WDSUB1: variants seen among roughly 807,000 people sequenced by gnomAD.
WDSUB1 encodes the protein WD repeat, SAM and U-box domain-containing protein 1.
Under a neutral mutation model 53.9 loss-of-function variants are expected in WDSUB1, and 49 were observed. The ratio of observed to expected loss-of-function variants is 0.91; its 90% CI spans 0.72 to 1.15. The LOEUF (loss-of-function observed/expected upper bound fraction) is 1.15. Among genes scored for constraint, WDSUB1 ranks in the 50% most tolerant of loss-of-function variants. The pLI is 0.00. For synonymous variants in WDSUB1, 194 were observed against 200.6 expected (o/e 0.97, Z 0.28); for missense variants, 514 against 562.0 (o/e 0.91, Z 0.86).
At chr2:159,246,003 C>CAACACAGTAAG (rs1181389433) in intron 10 of WDSUB1, among the ~76,000 whole-genome samples, 4 of 152,040 alleles carry the variant, frequency 2.6e-5, no homozygotes, top group African/African-American at 9.7e-5. Context: ...AAAGAACTCA[C>CAACACAGTAAG]AACACAGTAA....
At chr2:159,280,880 C>T (rs1226450936) in intron 2 of WDSUB1, among the ~76,000 whole-genome samples, 1 of 151,886 alleles carries the variant, frequency 6.6e-6, no homozygotes, top group African/African-American at 2.4e-5. Context: ...ACACACTGTC[C>T]CATCCAGCAG....
Position 159,236,019 on chromosome 2 carries a change from C to T in WDSUB1, c.*14G>A. The T allele has an allele frequency of 2.5e-6, 4 of 1,582,106 alleles. No homozygotes were observed. Among genetic ancestry groups the T allele is most frequent in the Non-Finnish European group, 3.4e-6 (4 of 1,168,116 alleles). On this transcript the variant is annotated 3_prime_UTR_variant, in exon 11 of 11. Transcript: ENST00000359774. ...GAGATCACTGAAAATATAAATAATA[C>T]AATATCAACAATTTTACTTTTGGTG...
intron 10 of WDSUB1, among the ~76,000 whole-genome samples, chr2:159,240,402 T>TAA (rs1415293051): frequency 6.6e-6 from 1 of 152,220 alleles, no homozygotes; most frequent in East Asian, 1.9e-4. Flanking sequence ...GGAATTGTAA[T>TAA]AACTTTCTGA....
intron 10 of WDSUB1, among the ~76,000 whole-genome samples, chr2:159,246,600 TA>T (rs1459739707): frequency 6.6e-6 from 1 of 152,288 alleles, no homozygotes; most frequent in African/African-American, 2.4e-5. Flanking sequence ...GTAGTCCCTT[TA>T]AACATTCGCT....
Position 159,279,863 on chromosome 2 carries a change from C to T in WDSUB1, c.481G>A (p.Gly161Ser). ...GSFFVTGSSCGDLTVWDDKMR... is the reference protein window; with the variant it reads ...GSFFVTGSSCSDLTVWDDKMR... ...TTATCATCCCACACTGTTAAATCACCACATGAGGAGCCAGTGACAAAGAAG... is the reference window on the plus strand; with the variant it reads ...TTATCATCCCACACTGTTAAATCACTACATGAGGAGCCAGTGACAAAGAAG... The change falls in exon 3 of 11, where the codon GGT becomes AGT. Residue 161 changes from glycine to serine, a missense_variant. By Grantham distance (56) the Gly-to-Ser change is moderately conservative. Coordinates refer to ENST00000359774, the MANE Select transcript of WDSUB1 (RefSeq NM_001128212.3). 6.2e-7 allele frequency: 1 copy of T among 1,612,576 alleles called. No individual in the cohort carries two copies. Among genetic ancestry groups the T allele is most frequent in the Non-Finnish European group, 8.5e-7 (1 of 1,178,910 alleles).
At chr2:159,238,007 T>C (rs1220424216) in intron 10 of WDSUB1, among the ~76,000 whole-genome samples, 1 of 152,234 alleles carries the variant, frequency 6.6e-6, no homozygotes, top group Admixed American at 6.5e-5. Context: ...TTTATGAGAA[T>C]GCCTTTTTCC....
intron 9 of WDSUB1, among the ~76,000 whole-genome samples, chr2:159,249,808 G>A (rs187013271): frequency 7.9e-5 from 12 of 151,676 alleles, no homozygotes; most frequent in Admixed American, 7.2e-4. Context: ...GCTCATGCCT[G>A]TAACCCCAGC....
chr2:159,244,372 C>CAACT (rs1427956073), intron 10 of WDSUB1, among the ~76,000 whole-genome samples: 8 of 144,340 alleles, frequency 5.5e-5, no homozygotes, highest in African/African-American at 1.7e-4. Flanking sequence ...TCCACTGATT[C>CAACT]AACTAACTGC....
intron 5 of WDSUB1, among the ~76,000 whole-genome samples, chr2:159,269,063 T>C (rs1285897280): frequency 6.6e-6 from 1 of 152,006 alleles, no homozygotes; most frequent in Non-Finnish European, 1.5e-5. Flanking sequence ...GTGCCTTTAA[T>C]TGGAATCCCA....
chr2:159,239,195 G>A (rs1010536945), intron 10 of WDSUB1, among the ~76,000 whole-genome samples: 1 of 151,422 alleles, frequency 6.6e-6, no homozygotes, highest in Non-Finnish European at 1.5e-5. Flanking sequence ...GTAGAGAAGG[G>A]GGTCTCATTA....
intron 4 of WDSUB1, among the ~76,000 whole-genome samples, chr2:159,273,137 G>C (rs1279792790): frequency 1.3e-5 from 2 of 152,092 alleles, no homozygotes; most frequent in African/African-American, 2.4e-5. Context: ...ATTTTTATCT[G>C]GGAGAGCAGA....
intron 5 of WDSUB1, among the ~76,000 whole-genome samples, chr2:159,261,325 A>G (rs967711060): frequency 6.6e-6 from 1 of 152,210 alleles, no homozygotes; most frequent in Admixed American, 6.5e-5. Flanking sequence ...GAGCATCCAC[A>G]GGTTTTGGTA....
At chr2:159,286,250 C>CA (rs1489279283) in intron 1 of WDSUB1, 1 of 153,476 alleles carries the variant, frequency 6.5e-6, no homozygotes, top group African/African-American at 2.4e-5. Flanking sequence ...CCGCCACTTA[C>CA]ACCCCCCATG....
chr2:159,247,914 T>TATATATATATAAATATATATATATAAAA (rs1559532105), intron 10 of WDSUB1, among the ~76,000 whole-genome samples: 1 of 65,808 alleles, frequency 1.5e-5, no homozygotes, highest in Non-Finnish European at 2.8e-5. Flanking sequence ...TATATAAATA[T>TATATATATATAAATATATATATATAAAA]ATATATATAT....
At chr2:159,273,001 A>T (rs1056691258) in intron 4 of WDSUB1, among the ~76,000 whole-genome samples, 2 of 152,210 alleles carry the variant, frequency 1.3e-5, no homozygotes, top group Non-Finnish European at 2.9e-5. Flanking sequence ...TTATAACTAC[A>T]TCAGACACAA....
chr2:159,265,102 A>ACAAC (rs1553457378), intron 5 of WDSUB1, among the ~76,000 whole-genome samples: 42 of 146,512 alleles, frequency 2.9e-4, no homozygotes, highest in African/African-American at 1.0e-3. Flanking sequence ...AAAAAAAATA[A>ACAAC]AACAACAACA....
intron 6 of WDSUB1, among the ~76,000 whole-genome samples, chr2:159,259,217 G>T (rs938392379): frequency 6.6e-6 from 1 of 152,092 alleles, no homozygotes; most frequent in Non-Finnish European, 1.5e-5. Flanking sequence ...TAGAGATGAG[G>T]TTTCACCATG....
intron 5 of WDSUB1, among the ~76,000 whole-genome samples, chr2:159,261,164 C>CA (rs763830762): frequency 6.6e-5 from 10 of 151,852 alleles, no homozygotes; most frequent in Non-Finnish European, 1.3e-4. Context: ...AAAAAAATAA[C>CA]AAAAAATAAT....
chr2:159,256,267 T>C lies in WDSUB1; in HGVS notation c.1061A>G (p.Lys354Arg). Reference protein sequence around the residue: ...QDLKDLVGIFKMNNIDGKELL... With the variant: ...QDLKDLVGIFRMNNIDGKELL... ...TTCTTTTCCATCAATGTTATTCATC[T>C]TGAAAATACCAACAAGATCTTTTAA... Residue 354 changes from lysine to arginine, a missense_variant, in exon 9 of 11, where the codon AAG becomes AGG. By Grantham distance (26) the Lys-to-Arg change is conservative. Coordinates refer to ENST00000359774, the MANE Select transcript of WDSUB1 (RefSeq NM_001128212.3). The C allele has an allele frequency of 1.9e-6, 3 of 1,612,064 alleles. No homozygotes were observed. Among genetic ancestry groups the C allele is most frequent in the Non-Finnish European group, 1.7e-6 (2 of 1,179,430 alleles).
Sources: allele counts gnomAD v4.1 joint callset (sites outside exome capture counted in the v4.1 genomes callset), GRCh38; gene constraint gnomAD v4.1.1; transcripts MANE v1.5; gene names NCBI Gene and HGNC (gene_info 2026-07-23, HGNC 2026-07-21).